The following RANBP3L variants were observed in gnomAD, a reference collection of about 807,000 sequenced individuals.
The protein encoded by RANBP3L is RAN binding protein 3 like, also known as ran-binding protein 3-like.
In RANBP3L, 56 loss-of-function variants were observed where a neutral mutation model predicts 67.2. The ratio of observed to expected loss-of-function variants is 0.83; its 90% CI spans 0.67 to 1.04. The LOEUF (loss-of-function observed/expected upper bound fraction) is 1.04. Ranked by LOEUF, RANBP3L falls within the 50% of genes least tolerant of loss-of-function variation. The probability of loss-of-function intolerance (pLI) is 0.00; values close to 1 mark genes in which losing one functional copy is unlikely to be tolerated. For synonymous variants in RANBP3L, 164 were observed against 181.4 expected, an observed-to-expected ratio of 0.90 and a Z score of 0.77; for missense variants, 496 against 535.5, an observed-to-expected ratio of 0.93 and a Z score of 0.73.
intron 1 of RANBP3L, among the ~76,000 whole-genome samples, chr5:36,272,868 C>T (rs1410787942): frequency 2.0e-5 from 3 of 152,178 alleles, no homozygotes; most frequent in Non-Finnish European, 2.9e-5. Flanking sequence ...GTCTCGACCT[C>T]CTGACCTCGG....
At chr5:36,296,209 T>C (rs1435188397) in intron 1 of RANBP3L, among the ~76,000 whole-genome samples, 1 of 152,198 alleles carries the variant, frequency 6.6e-6, no homozygotes, top group East Asian at 1.9e-4. Flanking sequence ...TAGTGAATTA[T>C]CAAATCTGAG....
At chr5:36,294,902 T>G (rs6885584) in intron 1 of RANBP3L, among the ~76,000 whole-genome samples, 55,236 of 147,484 alleles carry the variant, frequency 0.37, 12,253 homozygotes, top group Non-Finnish European at 0.51. Flanking sequence ...TACATATATG[T>G]GTGTATATAT....
At chr5:36,290,097 T>C (rs1028122684) in intron 1 of RANBP3L, among the ~76,000 whole-genome samples, 3 of 152,214 alleles carry the variant, frequency 2.0e-5, no homozygotes, top group Non-Finnish European at 4.4e-5. Flanking sequence ...TGGTGTTGAA[T>C]TTTATGTTCC....
At chr5:36,290,726 CTTTTT>C (rs61105686) in intron 1 of RANBP3L, among the ~76,000 whole-genome samples, 11 of 55,436 alleles carry the variant, frequency 2.0e-4, no homozygotes, top group African/African-American at 8.5e-4. Context: ...ACAACCATGG[CTTTTT>C]TTTTTTTTTT....
intron 8 of RANBP3L, among the ~76,000 whole-genome samples, chr5:36,260,534 T>G (rs2111744377): frequency 6.6e-6 from 1 of 152,260 alleles, no homozygotes; most frequent in Admixed American, 6.5e-5. Flanking sequence ...CAAAGAACTA[T>G]TTAATATTTC....
At chr5:36,297,873 C>T (rs563113322) in intron 1 of RANBP3L, among the ~76,000 whole-genome samples, 1 of 152,104 alleles carries the variant, frequency 6.6e-6, no homozygotes, top group East Asian at 1.9e-4. Flanking sequence ...CACTTTGCAC[C>T]TTGTTGTTGC....
At chr5:36,300,033 AC>A (rs1752507381) in intron 1 of RANBP3L, among the ~76,000 whole-genome samples, 1 of 152,112 alleles carries the variant, frequency 6.6e-6, no homozygotes, top group Non-Finnish European at 1.5e-5. Context: ...CTTTAGGCTC[AC>A]CCCCACCAAA....
At chr5:36,287,830 A>G (rs1459232465) in intron 1 of RANBP3L, among the ~76,000 whole-genome samples, 1 of 152,204 alleles carries the variant, frequency 6.6e-6, no homozygotes, top group African/African-American at 2.4e-5. Flanking sequence ...AAGCTGACTA[A>G]AGTTATACTA....
chr5:36,269,254 G>T lies in RANBP3L; in HGVS notation c.268+136C>A, dbSNP rs76517255. 181 of 617,388 alleles carry T rather than the reference G, an allele frequency of 2.9e-4. No homozygotes were observed. In the African/African-American group the frequency reaches 3.2e-3, roughly 11 times the overall value. The allele number at this position is 617,388 out of a possible 1,614,324, so 38.2% of individuals were successfully genotyped here. ...TAACTGTACCATTGTATAGCTTGTT[G>T]TTTTCACGTAACAATATATTATAAA... On this transcript the variant is annotated intron_variant, in intron 4 of 13. Transcript: ENST00000296604.
intron 6 of RANBP3L, among the ~76,000 whole-genome samples, chr5:36,263,908 A>G (rs1193346320): frequency 1.3e-5 from 2 of 152,240 alleles, no homozygotes; most frequent in Non-Finnish European, 2.9e-5. Flanking sequence ...ACAATAATAT[A>G]CTTATCTAAA....
Position 36,248,361 on chromosome 5 carries a change from A to G in RANBP3L, c.*1293T>C, listed in dbSNP as rs533813352. 3 of 152,170 alleles carry G rather than the reference A, an allele frequency of 2.0e-5. No individual in the cohort carries two copies. Among genetic ancestry groups the G allele is most frequent in the Admixed American group, 2.0e-4 (3 of 15,286 alleles). The allele number at this position is 152,170 out of a possible 1,614,324, so 9.4% of individuals were successfully genotyped here. ...GTTATAAGGAAGGACAAAATGTTGA[A>G]CAATTGTCATAATCATAATCTGAAA... On this transcript the variant is annotated 3_prime_UTR_variant, in exon 14 of 14. Transcript: ENST00000296604.
At position 36,256,881 on chromosome 5, in the gene RANBP3L, T is replaced by G. The variant is rs771463315; in HGVS notation, c.903+60A>C. 44 of 1,481,112 alleles carry G rather than the reference T, an allele frequency of 3.0e-5. No individual in the cohort carries two copies. In the Admixed American group the frequency reaches 8.1e-4, roughly 27 times the overall value. The allele number at this position is 1,481,112 out of a possible 1,614,324, so 91.7% of individuals were successfully genotyped here. On this transcript the variant is annotated intron_variant, in intron 10 of 13. Transcript: ENST00000296604. Reference sequence around the variant, plus strand: ...GTATTTTTAAAGATGCCTCTTCTCATGTTAACTTTATTCCAAGTATGTAAA... The same window carrying G: ...GTATTTTTAAAGATGCCTCTTCTCAGGTTAACTTTATTCCAAGTATGTAAA...
At chr5:36,277,286 C>G (rs376801055) in intron 1 of RANBP3L, among the ~76,000 whole-genome samples, 1 of 152,206 alleles carries the variant, frequency 6.6e-6, no homozygotes, top group East Asian at 1.9e-4. Flanking sequence ...TCTTCTCACC[C>G]TTCTTCACCG....
chr5:36,267,058 G>A (rs1465343298), intron 4 of RANBP3L, among the ~76,000 whole-genome samples: 1 of 152,130 alleles, frequency 6.6e-6, no homozygotes, highest in Non-Finnish European at 1.5e-5. Context: ...CGCCCAGCCA[G>A]GATCTCTGTT....
chr5:36,298,183 C>T (rs112312982), intron 1 of RANBP3L, among the ~76,000 whole-genome samples: 81 of 151,492 alleles, frequency 5.3e-4, no homozygotes, highest in Admixed American at 4.0e-3. Context: ...GCCTGTAGTC[C>T]GAGCTACTCA....
chr5:36,289,513 C>A (rs1044006337), intron 1 of RANBP3L, among the ~76,000 whole-genome samples: 2 of 152,170 alleles, frequency 1.3e-5, no homozygotes, highest in African/African-American at 4.8e-5. Flanking sequence ...CAATATTGAG[C>A]ATTCCAATTC....
At chr5:36,258,525 A>C (rs1749152213) in intron 8 of RANBP3L, among the ~76,000 whole-genome samples, 1 of 152,190 alleles carries the variant, frequency 6.6e-6, no homozygotes, top group African/African-American at 2.4e-5. Flanking sequence ...CCCAAATCAC[A>C]AGGCCAAAAA....
intron 1 of RANBP3L, among the ~76,000 whole-genome samples, chr5:36,281,568 A>G (rs79779822): frequency 0.031 from 4,749 of 152,288 alleles, 130 homozygotes; most frequent in Admixed American, 0.052. Flanking sequence ...TGCCTGGGCT[A>G]TGATGGCTCT....
chr5:36,277,295 C>T (rs1178896653), intron 1 of RANBP3L, among the ~76,000 whole-genome samples: 7 of 151,918 alleles, frequency 4.6e-5, no homozygotes, highest in African/African-American at 1.5e-4. Context: ...CCTTCTTCAC[C>T]GTGTCTGGTT....
Sources: allele counts gnomAD v4.1 joint callset (sites outside exome capture counted in the v4.1 genomes callset), GRCh38; gene constraint gnomAD v4.1.1; transcripts MANE v1.5; gene names NCBI Gene and HGNC (gene_info 2026-07-23, HGNC 2026-07-21).